The following PPFIBP1 variants were observed in gnomAD, a reference collection of about 807,000 sequenced individuals.
PPFIBP1 encodes liprin-beta-1.
In PPFIBP1, 112 loss-of-function variants were observed where a neutral mutation model predicts 137.8. That is an observed-to-expected ratio of 0.81 (90% CI 0.70 to 0.95). PPFIBP1 has a LOEUF of 0.95. Among genes scored for constraint, PPFIBP1 ranks in the 40% least tolerant of loss-of-function variants. The pLI, the probability that PPFIBP1 is intolerant of heterozygous loss-of-function variation, is 0.00. For synonymous variants in PPFIBP1, 378 were observed against 417.3 expected (o/e 0.91, Z 1.15); for missense variants, 1,083 against 1,196.6 (o/e 0.91, Z 1.40).
intron 1 of PPFIBP1, among the ~76,000 whole-genome samples, chr12:27,559,988 C>T (rs1422205359): frequency 4.6e-5 from 7 of 152,174 alleles, no homozygotes; most frequent in African/African-American, 1.7e-4. Context: ...GGGACTGAGG[C>T]TTTCTTTAAT....
At chr12:27,558,697 T>A (rs540135515) in intron 1 of PPFIBP1, among the ~76,000 whole-genome samples, 2 of 152,168 alleles carry the variant, frequency 1.3e-5, no homozygotes, top group South Asian at 4.1e-4. Flanking sequence ...AGTGGAAGCA[T>A]AAAGAATGGT....
chr12:27,683,792 T>C (rs1291067951), intron 24 of PPFIBP1, among the ~76,000 whole-genome samples: 1 of 151,884 alleles, frequency 6.6e-6, no homozygotes, highest in Non-Finnish European at 1.5e-5. Context: ...TTTTATTTTA[T>C]TTTATTTTAT....
At chr12:27,586,168 G>A (rs925327271) in intron 2 of PPFIBP1, among the ~76,000 whole-genome samples, 1 of 152,210 alleles carries the variant, frequency 6.6e-6, no homozygotes, top group Non-Finnish European at 1.5e-5. Context: ...ACAGCACAGA[G>A]AAGTTAAGTA....
intron 11 of PPFIBP1, among the ~76,000 whole-genome samples, 176 bp from the exon 12 acceptor site, chr12:27,664,186 G>C (rs1274538615): frequency 6.6e-6 from 1 of 152,138 alleles, no homozygotes; most frequent in Non-Finnish European, 1.5e-5. Context: ...AAGCTTAGAA[G>C]TATTCTTTAA....
At chr12:27,586,574 A>G (rs117681619) in intron 2 of PPFIBP1, among the ~76,000 whole-genome samples, 5,026 of 152,208 alleles carry the variant, frequency 0.033, 122 homozygotes, top group South Asian at 0.049. Flanking sequence ...GTGTACGCCT[A>G]TAGTCCCAGC....
Position 27,682,392 on chromosome 12 carries a change from TGGAA to T in PPFIBP1, c.2053_2056del (p.Gly685SerfsTer12). ...GTCAATGTTTATTGTTTCAGGAACT[TGGAA>T]TCAAGCATTCACTTCATCGAAAGAA... On this transcript the variant is annotated frameshift_variant, in exon 23 of 30. Coordinates refer to ENST00000228425, the MANE Select transcript of PPFIBP1 (RefSeq NM_003622.4). LOFTEE classifies it high-confidence loss of function. 1 of 1,607,954 alleles carries T rather than the reference TGGAA, an allele frequency of 6.2e-7. No individual in the cohort carries two copies. Among genetic ancestry groups the T allele is most frequent in the Non-Finnish European group, 8.5e-7 (1 of 1,174,460 alleles).
At chr12:27,530,404 C>G (rs532105296) in intron 1 of PPFIBP1, among the ~76,000 whole-genome samples, 1 of 152,294 alleles carries the variant, frequency 6.6e-6, no homozygotes, top group Admixed American at 6.5e-5. Flanking sequence ...TGTTTTTCCT[C>G]TGGATCAGCT....
intron 1 of PPFIBP1, among the ~76,000 whole-genome samples, chr12:27,540,772 T>C (rs1945563436): frequency 6.6e-6 from 1 of 152,232 alleles, no homozygotes; most frequent in Admixed American, 6.5e-5. Context: ...GTTTTTCTTT[T>C]TAATGTATTT....
At chr12:27,644,791 C>G (rs1206819346) in intron 4 of PPFIBP1, among the ~76,000 whole-genome samples, 1 of 152,188 alleles carries the variant, frequency 6.6e-6, no homozygotes, top group Admixed American at 6.5e-5. Context: ...TTAATCCACT[C>G]TAAATATGCA....
chr12:27,687,393 A>G lies in PPFIBP1; in HGVS notation c.2256A>G (p.Leu752=). The G allele has an allele frequency of 5.0e-6, 8 of 1,613,682 alleles. No individual in the cohort carries two copies. The highest frequency in any genetic ancestry group is 6.8e-6 in the Non-Finnish European group (8 of 1,179,664). ...TTTGTTCTTTTTTGCAGGATGACTT[A>G]CTGTCTCTGAAGGTTGTAAGTGTGC... ...RMLHYMTVDD[L]LSLKVVSVLH... The change falls in exon 25 of 30, where the codon TTA becomes TTG. Residue 752 remains leucine (L), a synonymous_variant. Transcript: ENST00000228425.
At chr12:27,684,164 A>G (rs1423786550) in intron 24 of PPFIBP1, among the ~76,000 whole-genome samples, 3 of 152,054 alleles carry the variant, frequency 2.0e-5, no homozygotes, top group African/African-American at 7.2e-5. Flanking sequence ...GCTGGAGCGC[A>G]GTGGCACAAT....
chr12:27,653,934 T>G (rs551819870), intron 7 of PPFIBP1, among the ~76,000 whole-genome samples: 1 of 152,308 alleles, frequency 6.6e-6, no homozygotes, highest in South Asian at 2.1e-4. Flanking sequence ...CACTTTCCAG[T>G]TGAAAATTGT....
intron 2 of PPFIBP1, chr12:27,593,818 G>A (rs1461863917): frequency 2.4e-6 from 3 of 1,230,190 alleles, no homozygotes; most frequent in Admixed American, 2.8e-5. Context: ...CCTGAATTTG[G>A]TATTGTCTCT....
At chr12:27,565,595 A>G (rs1381077656) in intron 1 of PPFIBP1, among the ~76,000 whole-genome samples, 1 of 152,160 alleles carries the variant, frequency 6.6e-6, no homozygotes, top group Non-Finnish European at 1.5e-5. Flanking sequence ...GCATAAAAAC[A>G]TTCAGGATGT....
intron 7 of PPFIBP1, among the ~76,000 whole-genome samples, chr12:27,652,485 A>C (rs1360999791): frequency 2.0e-5 from 3 of 152,218 alleles, no homozygotes. Flanking sequence ...AAATTGATTG[A>C]AATAGTTTGT....
intron 2 of PPFIBP1, among the ~76,000 whole-genome samples, chr12:27,605,828 A>G (rs2054470873): frequency 6.6e-6 from 1 of 152,182 alleles, no homozygotes; most frequent in African/African-American, 2.4e-5. Context: ...AATTCCTGAT[A>G]GCCATTATGA....
At chr12:27,555,880 TGA>T (rs1024999347) in intron 1 of PPFIBP1, among the ~76,000 whole-genome samples, 3 of 152,336 alleles carry the variant, frequency 2.0e-5, no homozygotes, top group Admixed American at 2.0e-4. Context: ...CAGAGCCTTA[TGA>T]TTGAAAGAGA....
intron 1 of PPFIBP1, chr12:27,547,929 A>G (rs1339354680): frequency 6.6e-6 from 1 of 152,180 alleles, no homozygotes; most frequent in African/African-American, 2.4e-5. Context: ...ATACTGTCCC[A>G]AAGAATCTAA....
chr12:27,654,865 A>G (rs768375258), intron 8 of PPFIBP1, 51 bp downstream of exon 8: 11 of 1,565,248 alleles, frequency 7.0e-6, no homozygotes, highest in Admixed American at 1.9e-5. Flanking sequence ...ATCACTATTC[A>G]TCTATGCCCA....
Sources: allele counts gnomAD v4.1 joint callset (sites outside exome capture counted in the v4.1 genomes callset), GRCh38; gene constraint gnomAD v4.1.1; transcripts MANE v1.5; gene names NCBI Gene and HGNC (gene_info 2026-07-23, HGNC 2026-07-21).